Variants in INTS8 observed in about 807,000 individuals in gnomAD.
INTS8 encodes protein kaonashi-1.
Under a neutral mutation model 138.9 loss-of-function variants are expected in INTS8, and 47 were observed. That is an observed-to-expected ratio of 0.34 (90% CI 0.27 to 0.43). The LOEUF is 0.43. Among genes scored for constraint, INTS8 ranks in the 20% least tolerant of loss-of-function variants. The pLI is 1.00. For synonymous variants in INTS8, 392 were observed against 400.9 expected, an observed-to-expected ratio of 0.98 and a Z score of 0.27; for missense variants, 996 against 1,173.0, an observed-to-expected ratio of 0.85 and a Z score of 2.20.
chr8:94,823,684 C>T (rs868227331), intron 1 of INTS8, 123 bp downstream of exon 1: 8 of 742,812 alleles, frequency 1.1e-5, no homozygotes, highest in Middle Eastern at 4.0e-4. Context: ...CACAGGAGCC[C>T]AGCTCCGGCC....
chr8:94,869,026 A>G (rs577307117), intron 20 of INTS8, among the ~76,000 whole-genome samples: 34 of 135,946 alleles, frequency 2.5e-4, no homozygotes, highest in Middle Eastern at 4.4e-3. Flanking sequence ...TTTGTTGCCC[A>G]GGCTGGAGTG....
chr8:94,844,529 C>G (rs1815260110), intron 10 of INTS8, among the ~76,000 whole-genome samples: 3 of 152,054 alleles, frequency 2.0e-5, no homozygotes, highest in Admixed American at 1.3e-4. Context: ...TTTGGCCAGG[C>G]TGGTCTTGAA....
chr8:94,839,902 AAAAAAACCC>A (rs1342700310), intron 8 of INTS8, among the ~76,000 whole-genome samples: 1 of 152,064 alleles, frequency 6.6e-6, no homozygotes, highest in African/African-American at 2.4e-5. Flanking sequence ...CCTCAAAAAC[AAAAAAACCC>A]AAAAAACAAA....
At chr8:94,826,765 C>A (rs902459655) in intron 2 of INTS8, among the ~76,000 whole-genome samples, 2 of 152,122 alleles carry the variant, frequency 1.3e-5, no homozygotes, top group Non-Finnish European at 2.9e-5. Flanking sequence ...TATATCCTGT[C>A]TACTTTTATG....
At chr8:94,878,162 A>G (rs1349673065) in intron 26 of INTS8, among the ~76,000 whole-genome samples, 1 of 152,116 alleles carries the variant, frequency 6.6e-6, no homozygotes, top group Non-Finnish European at 1.5e-5. Flanking sequence ...CACTGAGACT[A>G]TTGGAAAAAG....
At chr8:94,869,171 A>T (rs1274912610) in intron 20 of INTS8, among the ~76,000 whole-genome samples, 1 of 151,426 alleles carries the variant, frequency 6.6e-6, no homozygotes, top group Non-Finnish European at 1.5e-5. Flanking sequence ...TAGTAGAGAC[A>T]GGTTTCTTCA....
chr8:94,854,220 A>G lies in INTS8; in HGVS notation c.1752+305A>G, dbSNP rs1238995592. ...TAGTCCATCTCGGAAAAAAAAAAAA[A>G]AAAAGAAAAGAATATGCTTTACTAA... On this transcript the variant is annotated intron_variant, in intron 14 of 26. Transcript: ENST00000523731. 3.9e-5 allele frequency among the ~76,000 whole-genome samples: 6 copies of G among 152,086 alleles called. No individual in the cohort carries two copies. In the South Asian group the frequency reaches 8.3e-4, roughly 21 times the overall value.
intron 5 of INTS8, among the ~76,000 whole-genome samples, chr8:94,830,643 A>G (rs1263532223): frequency 6.6e-6 from 1 of 152,014 alleles, no homozygotes; most frequent in African/African-American, 2.4e-5. Context: ...GACTACAGAC[A>G]TGTGCCACCA....
At chr8:94,854,908 ATTTTTTT>A (rs35252211) in intron 14 of INTS8, among the ~76,000 whole-genome samples, 3 of 135,744 alleles carry the variant, frequency 2.2e-5, no homozygotes, top group African/African-American at 8.3e-5. Flanking sequence ...ATTTGAAAGA[ATTTTTTT>A]TTTTTTTTTT....
At chr8:94,838,078 G>A (rs1457531781) in intron 7 of INTS8, among the ~76,000 whole-genome samples, 2 of 136,302 alleles carry the variant, frequency 1.5e-5, no homozygotes, top group African/African-American at 2.8e-5. Context: ...ACGGAGTCTC[G>A]CTTTGTCACC....
chr8:94,868,174 G>C (rs372315866), intron 20 of INTS8, among the ~76,000 whole-genome samples: 10 of 152,000 alleles, frequency 6.6e-5, no homozygotes, highest in African/African-American at 7.3e-5. Flanking sequence ...GAGGAAAAAG[G>C]GTTCATTTAC....
At chr8:94,837,050 T>C (rs571944072) in intron 7 of INTS8, among the ~76,000 whole-genome samples, 1 of 152,230 alleles carries the variant, frequency 6.6e-6, no homozygotes, top group Non-Finnish European at 1.5e-5. Flanking sequence ...CAGATATGTT[T>C]AAGTTCCTAC....
chr8:94,824,372 A>G (rs1814401771), intron 1 of INTS8, among the ~76,000 whole-genome samples: 1 of 152,136 alleles, frequency 6.6e-6, no homozygotes, highest in African/African-American at 2.4e-5. Flanking sequence ...TTGAAAGATA[A>G]TTTGTTGAGT....
chr8:94,827,869 C>T (rs190634013), intron 4 of INTS8, 76 bp downstream of exon 4: 22 of 1,162,912 alleles, frequency 1.9e-5, no homozygotes, highest in Middle Eastern at 3.9e-4. Flanking sequence ...TTTTTAATAA[C>T]CTCTGTTATA....
At chr8:94,874,438 TC>T (rs2131076554) in intron 22 of INTS8, 113 bp from the exon 23 acceptor site, 2 of 680,246 alleles carry the variant, frequency 2.9e-6, no homozygotes, top group Non-Finnish European at 2.7e-6. Flanking sequence ...TTCCCATATA[TC>T]CCCCGTTCCT....
intron 20 of INTS8, 67 bp from the exon 21 acceptor site, chr8:94,871,817 A>T: frequency 1.1e-6 from 1 of 872,136 alleles, no homozygotes; most frequent in Non-Finnish European, 1.9e-6. Context: ...GTTTTTAATA[A>T]ATACATGCAT....
chr8:94,823,482 C>T lies in INTS8; in HGVS notation c.51C>T (p.Cys17=), dbSNP rs1470747593. ...AGGCGGCCACCTCCAGCCGGCCCTG[C>T]ACCCCGCCGCAGACCTGCTGGTTTG... The part of the protein sequence containing the change: ...DREAATSSRP[C]TPPQTCWFEF... Residue 17 remains cysteine, a synonymous_variant, in exon 1 of 27, where the codon TGC becomes TGT. Transcript: ENST00000523731. The T allele has an allele frequency of 5.2e-6, 8 of 1,551,762 alleles. No homozygotes were observed. The African/African-American group carries it at 1.1e-4, about 21-fold the overall frequency.
rs1399496981 is a variant in INTS8, at chr8:94,865,556, A to G, written c.2127A>G (p.Glu709=). 6.2e-7 allele frequency: 1 copy of G among 1,614,154 alleles called. No individual in the cohort carries two copies. Among genetic ancestry groups the G allele is most frequent in the South Asian group, 1.1e-5 (1 of 91,086 alleles). The part of the protein sequence containing the change: ...ATCKELPGPK[E]SRRTAKDLWE... ...GCAAAGAACTTCCAGGCCCTAAAGA[A>G]AGTAGACGGACTGCCAAAGACCTTT... The change falls in exon 17 of 27, where the codon GAA becomes GAG. Residue 709 remains glutamate, a synonymous_variant. Transcript: ENST00000523731.
chr8:94,864,099 A>G (rs898203283), intron 16 of INTS8, among the ~76,000 whole-genome samples: 1 of 152,232 alleles, frequency 6.6e-6, no homozygotes, highest in Non-Finnish European at 1.5e-5. Context: ...ATGGTTTAAC[A>G]AAAAAATTTA....
Sources: allele counts gnomAD v4.1 joint callset (sites outside exome capture counted in the v4.1 genomes callset), GRCh38; gene constraint gnomAD v4.1.1; transcripts MANE v1.5; gene names NCBI Gene and HGNC (gene_info 2026-07-23, HGNC 2026-07-21).